Variants in FHIT observed in about 807,000 individuals in gnomAD.
The protein encoded by FHIT is fragile histidine triad diadenosine triphosphatase, also known as bis(5'-adenosyl)-triphosphatase.
A neutral mutation model predicts 17.9 loss-of-function variants in FHIT; 19 were observed. The ratio of observed to expected loss-of-function variants is 1.06; its 90% CI spans 0.74 to 1.56. The LOEUF is 1.56. Ranked by LOEUF, FHIT falls within the 40% of genes most tolerant of loss-of-function variation. FHIT has a pLI of 0.00. For missense variants in FHIT, 248 were observed against 189.2 expected (o/e 1.31, Z -1.82); for synonymous variants, 81 against 69.7 (o/e 1.16, Z -0.81).
chr3:60,320,594 C>G (rs1709381791), intron 5 of FHIT, among the ~76,000 whole-genome samples: 1 of 152,154 alleles, frequency 6.6e-6, no homozygotes, highest in African/African-American at 2.4e-5. Flanking sequence ...CTCTGAATGT[C>G]ACATTCGAAT....
At chr3:60,599,611 T>G (rs2038377853) in intron 4 of FHIT, among the ~76,000 whole-genome samples, 1 of 151,406 alleles carries the variant, frequency 6.6e-6, no homozygotes, top group South Asian at 2.1e-4. Context: ...AATTGACTTC[T>G]GCATGTTGGT....
rs185198747 is a variant in FHIT at position 60,940,301 on chromosome 3, T to C, written c.-111+101746A>G. ...CGTGTGCCAAACTCTAAGTCCAATG[T>C]TAACTAGCCTATTCTGAAGAAAAAT... is the stretch of plus-strand genomic sequence containing the variant. On this transcript the variant is annotated intron_variant, in intron 3 of 9. Transcript: ENST00000492590. Among the ~76,000 whole-genome samples, 8 of 152,102 alleles carry C rather than the reference T, an allele frequency of 5.3e-5. 1 individual carries two copies. The highest frequency in any genetic ancestry group is 2.6e-4 in the Admixed American group (4 of 15,284).
intron 3 of FHIT, among the ~76,000 whole-genome samples, chr3:60,910,770 C>T (rs1706702143): frequency 6.6e-6 from 1 of 152,134 alleles, no homozygotes; most frequent in Non-Finnish European, 1.5e-5. Context: ...ATAGAGAAGG[C>T]TCTCCAAACT....
chr3:61,148,798 G>T (rs1278430260), intron 2 of FHIT, among the ~76,000 whole-genome samples: 1 of 152,062 alleles, frequency 6.6e-6, no homozygotes, highest in Non-Finnish European at 1.5e-5. Flanking sequence ...TATTTTAACA[G>T]TATATTTAAA....
chr3:60,551,254 G>C (rs1038948660), intron 4 of FHIT, among the ~76,000 whole-genome samples: 1 of 151,170 alleles, frequency 6.6e-6, no homozygotes, highest in Admixed American at 6.6e-5. Context: ...TGAGAAACTC[G>C]TGATAACAAA....
intron 3 of FHIT, among the ~76,000 whole-genome samples, chr3:60,832,069 T>TAAC (rs1702351174): frequency 6.6e-6 from 1 of 151,612 alleles, no homozygotes; most frequent in Admixed American, 6.6e-5. Context: ...TAGCCCCAAG[T>TAAC]AATAATAATA....
chr3:60,577,135 G>T (rs1446162523), intron 4 of FHIT, among the ~76,000 whole-genome samples: 2 of 152,034 alleles, frequency 1.3e-5, no homozygotes, highest in African/African-American at 4.8e-5. Flanking sequence ...TTGATCAACA[G>T]GTACCTTTTT....
chr3:59,754,948 AAAACCCACCCCAGGGATTCTGATTT>A (rs555510386), intron 8 of FHIT, among the ~76,000 whole-genome samples: 15,167 of 152,136 alleles, frequency 0.1, 897 homozygotes, highest in South Asian at 0.23. Context: ...TTTAAAAAAT[AAAACCCACCCCAGGGATTCTGATTT>A]AATTGGTCTG....
At chr3:61,249,481 C>T (rs2040561454) in intron 1 of FHIT, among the ~76,000 whole-genome samples, 1 of 152,148 alleles carries the variant, frequency 6.6e-6, no homozygotes, top group African/African-American at 2.4e-5. Flanking sequence ...ATTCCAAATT[C>T]TGTAGCCAGA....
chr3:60,868,708 G>A (rs782250114), intron 3 of FHIT, among the ~76,000 whole-genome samples: 9 of 152,128 alleles, frequency 5.9e-5, no homozygotes, highest in East Asian at 3.9e-4. Context: ...GTTTCATACC[G>A]ACATTAACTC....
chr3:60,369,116 G>C (rs753110143), intron 5 of FHIT, among the ~76,000 whole-genome samples: 1 of 151,448 alleles, frequency 6.6e-6, no homozygotes, highest in Admixed American at 6.6e-5. Flanking sequence ...CAAATCACAG[G>C]TGTGCACCAA....
chr3:61,069,969 T>C (rs1404802727), intron 2 of FHIT, among the ~76,000 whole-genome samples: 3 of 152,132 alleles, frequency 2.0e-5, no homozygotes, highest in African/African-American at 4.8e-5. Flanking sequence ...TGGAATGCAG[T>C]GGTGCGATCT....
intron 2 of FHIT, among the ~76,000 whole-genome samples, chr3:61,158,644 T>C (rs1432940896): frequency 6.9e-6 from 1 of 144,084 alleles, no homozygotes; most frequent in African/African-American, 2.6e-5. Context: ...CATTAATTAA[T>C]TAGAACTGTC....
chr3:61,027,488 T>G (rs1261996927), intron 3 of FHIT, among the ~76,000 whole-genome samples: 1 of 152,240 alleles, frequency 6.6e-6, no homozygotes, highest in African/African-American at 2.4e-5. Flanking sequence ...CTCTTCCTAA[T>G]TCACTTGCAG....
chr3:61,190,680 C>A (rs1414330459), intron 2 of FHIT, among the ~76,000 whole-genome samples: 2 of 152,068 alleles, frequency 1.3e-5, no homozygotes, highest in Non-Finnish European at 2.9e-5. Flanking sequence ...TGGAACCGAC[C>A]CAAATGCCCA....
intron 3 of FHIT, among the ~76,000 whole-genome samples, chr3:61,028,221 A>G (rs149568164): frequency 4.0e-4 from 61 of 152,338 alleles, no homozygotes; most frequent in African/African-American, 1.4e-3. Flanking sequence ...AATTTATTCT[A>G]TGGAAACGCA....
chr3:60,268,122 C>T (rs930979494), intron 5 of FHIT, among the ~76,000 whole-genome samples: 5 of 152,082 alleles, frequency 3.3e-5, no homozygotes, highest in African/African-American at 9.7e-5. Flanking sequence ...AATGGGCAAA[C>T]AAGGTAACTA....
At chr3:60,965,355 G>T (rs62268661) in intron 3 of FHIT, among the ~76,000 whole-genome samples, 44,374 of 151,992 alleles carry the variant, frequency 0.29, 7,144 homozygotes, top group African/African-American at 0.43. Flanking sequence ...AAGGTTTTTA[G>T]CTTCTTTGCG....
chr3:60,112,230 G>C (rs1206431361), intron 5 of FHIT, among the ~76,000 whole-genome samples: 1 of 152,158 alleles, frequency 6.6e-6, no homozygotes, highest in Non-Finnish European at 1.5e-5. Flanking sequence ...ACTCTAGGTA[G>C]AGCCTTCAGT....
Sources: allele counts gnomAD v4.1 joint callset (sites outside exome capture counted in the v4.1 genomes callset), GRCh38; gene constraint gnomAD v4.1.1; transcripts MANE v1.5; gene names NCBI Gene and HGNC (gene_info 2026-07-23, HGNC 2026-07-21).